Variants in GRM7 observed in about 807,000 individuals in gnomAD.
The protein encoded by GRM7 is glutamate metabotropic receptor 7.
GRM7 carries 35 observed loss-of-function variants against 84.5 expected under a neutral mutation model. The observed-to-expected ratio is 0.41, with a 90% CI of 0.32 to 0.55. The LOEUF (loss-of-function observed/expected upper bound fraction) is 0.55, where lower values mean the gene tolerates loss of function less well. Ranked by LOEUF, GRM7 falls within the 20% of genes least tolerant of loss-of-function variation. The pLI is 0.19. For missense variants in GRM7, 1,003 were observed against 1,194.6 expected (o/e 0.84, Z 2.36); for synonymous variants, 487 against 455.1 (o/e 1.07, Z -0.89).
intron 7 of GRM7, among the ~76,000 whole-genome samples, chr3:7,569,002 CA>C (rs1694497058): frequency 6.6e-6 from 1 of 152,194 alleles, no homozygotes; most frequent in South Asian, 2.1e-4. Flanking sequence ...AACTGGCAGG[CA>C]GCTCCACCTG....
intron 2 of GRM7, among the ~76,000 whole-genome samples, chr3:7,206,552 G>T (rs1696245717): frequency 6.6e-6 from 1 of 152,124 alleles, no homozygotes; most frequent in African/African-American, 2.4e-5. Flanking sequence ...TTTATTCCCT[G>T]GGACATTTGA....
chr3:6,953,557 T>G (rs1252841007), intron 1 of GRM7, among the ~76,000 whole-genome samples: 1 of 152,222 alleles, frequency 6.6e-6, no homozygotes, highest in Non-Finnish European at 1.5e-5. Flanking sequence ...GTCTCTTTCA[T>G]CCACTCACGC....
chr3:6,965,555 G>A (rs1362053428), intron 1 of GRM7, among the ~76,000 whole-genome samples: 3 of 151,866 alleles, frequency 2.0e-5, no homozygotes, highest in African/African-American at 2.4e-5. Context: ...GGCTGGTCTT[G>A]CATTTCTGGA....
At chr3:7,114,924 T>G (rs2125038233) in intron 1 of GRM7, among the ~76,000 whole-genome samples, 1 of 152,240 alleles carries the variant, frequency 6.6e-6, no homozygotes, top group South Asian at 2.1e-4. Flanking sequence ...CAGCATGGCA[T>G]GCTATCACCC....
chr3:6,921,312 A>G (rs1297376594), intron 1 of GRM7, among the ~76,000 whole-genome samples: 1 of 152,182 alleles, frequency 6.6e-6, no homozygotes, highest in Non-Finnish European at 1.5e-5. Context: ...AGCAATTTCC[A>G]TGAGAGCCTT....
At chr3:7,054,828 G>T (rs1697154370) in intron 1 of GRM7, among the ~76,000 whole-genome samples, 2 of 151,588 alleles carry the variant, frequency 1.3e-5, no homozygotes, top group Non-Finnish European at 1.5e-5. Flanking sequence ...GTCACCTTGG[G>T]TTCCCTGAAA....
Position 7,597,798 on chromosome 3 carries a change from G to T in GRM7, c.2451+18441G>T, listed in dbSNP as rs554001223. Among the ~76,000 whole-genome samples the T allele has an allele frequency of 2.6e-5, 4 of 152,260 alleles. No homozygotes were observed. The South Asian group carries it at 8.3e-4, about 32-fold the overall frequency. On this transcript the variant is annotated intron_variant, in intron 8 of 9. Transcript: ENST00000357716. The stretch of plus-strand genomic sequence containing the variant: ...AGTTTCAACAAATAGATCCTATAGT[G>T]CTGGCAGATACCAAGAATGCAAGAA...
chr3:7,486,948 T>G lies in GRM7; in HGVS notation c.1515+25226T>G, dbSNP rs540792821. On this transcript the variant is annotated intron_variant, in intron 7 of 9. Coordinates refer to ENST00000357716, the MANE Select transcript of GRM7 (RefSeq NM_000844.4). This position sits in a 1 kb window ranked among gnomAD's most constrained non-coding sequence, Gnocchi z 5.5. ...GAGAATACTAGGGAAAGTTTGGAACTTCTTAGAGATTAGTTAAGTTGTGGT... is the reference window on the plus strand; with the variant it reads ...GAGAATACTAGGGAAAGTTTGGAACGTCTTAGAGATTAGTTAAGTTGTGGT... Among the ~76,000 whole-genome samples the G allele has an allele frequency of 6.6e-6, 1 of 152,294 alleles. No individual in the cohort carries two copies. Among genetic ancestry groups the G allele is most frequent in the South Asian group, 2.1e-4 (1 of 4,824 alleles).
chr3:7,554,016 G>C (rs905494660), intron 7 of GRM7, among the ~76,000 whole-genome samples: 1 of 152,152 alleles, frequency 6.6e-6, no homozygotes, highest in Non-Finnish European at 1.5e-5. Flanking sequence ...CAGGGGTAAA[G>C]GGTCTCATGT....
At chr3:7,614,853 C>T (rs1436029379) in intron 8 of GRM7, among the ~76,000 whole-genome samples, 2 of 152,096 alleles carry the variant, frequency 1.3e-5, no homozygotes, top group African/African-American at 4.8e-5. Flanking sequence ...GCTTTAAACC[C>T]CAAAGTCAGT....
intron 1 of GRM7, among the ~76,000 whole-genome samples, chr3:7,007,219 G>A (rs1047317882): frequency 6.6e-6 from 1 of 152,080 alleles, no homozygotes; most frequent in Non-Finnish European, 1.5e-5. Flanking sequence ...CCTTCAGCAA[G>A]TTCCGTTGGC....
intron 9 of GRM7, among the ~76,000 whole-genome samples, chr3:7,733,153 C>G (rs1281546775): frequency 6.6e-6 from 1 of 152,182 alleles, no homozygotes. Context: ...AACCTCCTCT[C>G]TCATCCTGTG....
In GRM7 at chr3:6,880,483, T is replaced by C. The variant is rs187439206; in HGVS notation, c.519+18576T>C. Among the ~76,000 whole-genome samples the C allele has an allele frequency of 2.8e-3, 424 of 152,300 alleles. 2 individuals carry two copies. Among genetic ancestry groups the C allele is most frequent in the Non-Finnish European group, 4.9e-3 (330 of 68,028 alleles). Reference sequence around the variant, plus strand: ...GGGCTTTAGAAACTTCTGGAAGAAGTGGACAGAGAATTCTTATGGTTCACA... The same window carrying C: ...GGGCTTTAGAAACTTCTGGAAGAAGCGGACAGAGAATTCTTATGGTTCACA... On this transcript the variant is annotated intron_variant, in intron 1 of 9. Coordinates refer to ENST00000357716, the MANE Select transcript of GRM7 (RefSeq NM_000844.4).
At chr3:6,909,825 A>G (rs186194603) in intron 1 of GRM7, among the ~76,000 whole-genome samples, 9 of 152,226 alleles carry the variant, frequency 5.9e-5, no homozygotes, top group Admixed American at 1.3e-4. Context: ...TATCCATGAT[A>G]TATAAATTAA....
At chr3:7,651,992 A>G (rs756823525) in intron 8 of GRM7, among the ~76,000 whole-genome samples, 1 of 152,208 alleles carries the variant, frequency 6.6e-6, no homozygotes, top group Non-Finnish European at 1.5e-5. Context: ...TTGGAATTGA[A>G]CAAGTTCTTA....
intron 2 of GRM7, among the ~76,000 whole-genome samples, chr3:7,239,191 G>A (rs185007009): frequency 1.3e-5 from 2 of 152,000 alleles, no homozygotes; most frequent in African/African-American, 4.8e-5. Flanking sequence ...GGTAGAGACA[G>A]TGTTTTGCCA....
chr3:7,713,987 G>T (rs918629717), intron 9 of GRM7, among the ~76,000 whole-genome samples: 50 of 152,088 alleles, frequency 3.3e-4, no homozygotes, highest in African/African-American at 1.2e-3. Context: ...AGAGCCACTT[G>T]CATCAGGCCT....
At chr3:6,996,686 G>A (rs1694840329) in intron 1 of GRM7, among the ~76,000 whole-genome samples, 1 of 152,142 alleles carries the variant, frequency 6.6e-6, no homozygotes, top group Admixed American at 6.5e-5. Flanking sequence ...CAAATTTTCT[G>A]TCACAAAAGC....
chr3:7,087,767 T>G (rs1698512414), intron 1 of GRM7, among the ~76,000 whole-genome samples: 1 of 152,128 alleles, frequency 6.6e-6, no homozygotes, highest in African/African-American at 2.4e-5. Flanking sequence ...TAAAATTAAT[T>G]CCTTTATCTG....
Sources: allele counts gnomAD v4.1 joint callset (sites outside exome capture counted in the v4.1 genomes callset), GRCh38; gene constraint gnomAD v4.1.1; non-coding constraint Gnocchi (gnomAD v3.1); transcripts MANE v1.5; gene names NCBI Gene and HGNC (gene_info 2026-07-23, HGNC 2026-07-21).